TTC29: variants seen among roughly 807,000 people sequenced by gnomAD.
The protein encoded by TTC29 is tetratricopeptide repeat protein 29.
Under a neutral mutation model 58.1 loss-of-function variants are expected in TTC29, and 49 were observed. That is an observed-to-expected ratio of 0.84 (90% CI 0.67 to 1.07). TTC29 has a LOEUF of 1.07. Ranked by LOEUF, TTC29 falls within the 50% of genes least tolerant of loss-of-function variation. The pLI, the probability that TTC29 is intolerant of heterozygous loss-of-function variation, is 0.00. For missense variants in TTC29, 582 were observed against 555.6 expected (o/e 1.05, Z -0.48); for synonymous variants, 209 against 196.8 (o/e 1.06, Z -0.52).
At chr4:146,856,129 C>T (rs569558137) in intron 8 of TTC29, among the ~76,000 whole-genome samples, 1 of 152,246 alleles carries the variant, frequency 6.6e-6, no homozygotes, top group South Asian at 2.1e-4. Context: ...GATTAGAGTA[C>T]TCAATTTTCA....
chr4:146,905,309 C>T (rs1733446478), intron 5 of TTC29, among the ~76,000 whole-genome samples: 1 of 144,736 alleles, frequency 6.9e-6, no homozygotes, highest in Admixed American at 7.4e-5. Context: ...TTCATATTTT[C>T]CACTTTAATA....
chr4:146,826,736 C>G (rs1255953477), intron 9 of TTC29, among the ~76,000 whole-genome samples: 1 of 152,078 alleles, frequency 6.6e-6, no homozygotes. Context: ...CCCCTCTCCT[C>G]TGGTACTCCA....
intron 10 of TTC29, 132 bp downstream of exon 10, chr4:146,819,993 C>T (rs1751704751): frequency 8.5e-7 from 1 of 1,177,368 alleles, no homozygotes; most frequent in Non-Finnish European, 1.2e-6. Flanking sequence ...TTAACTACAC[C>T]CTGCAGTCCA....
chr4:146,923,081 T>C (rs757886999), intron 4 of TTC29, among the ~76,000 whole-genome samples: 3 of 151,806 alleles, frequency 2.0e-5, no homozygotes, highest in Non-Finnish European at 3.0e-5. Flanking sequence ...TAAAAAATTA[T>C]TTAGTCAATT....
chr4:146,806,896 C>G (rs1299384522), intron 10 of TTC29, among the ~76,000 whole-genome samples: 1 of 152,166 alleles, frequency 6.6e-6, no homozygotes, highest in Non-Finnish European at 1.5e-5. Context: ...ACCTAATAGA[C>G]ATCTACAGGA....
Position 146,867,500 on chromosome 4 carries a change from T to C in TTC29, c.883A>G (p.Thr295Ala), listed in dbSNP as rs534639347. 3 of 1,485,598 alleles carry C rather than the reference T, an allele frequency of 2.0e-6. No individual in the cohort carries two copies. The South Asian group carries it at 4.2e-5, about 21-fold the overall frequency. 92.0% of individuals were successfully genotyped at this position (1,485,598 alleles called of 1,614,324 possible). ...LAAEEYETAL[T>A]VLDTYCKIST... ...CAGTGATTAAAAGTTTAGCTTACTG[T>C]TAATGCTGTTTCATATTCCTCAGCA... Residue 295 changes from threonine to alanine, a missense_variant and splice_region_variant, in exon 8 of 13, where the codon ACA becomes GCA. By Grantham distance (58) the Thr-to-Ala change is moderately conservative. Transcript: ENST00000325106.
intron 10 of TTC29, among the ~76,000 whole-genome samples, chr4:146,810,964 C>T (rs754817449): frequency 4.6e-5 from 7 of 152,148 alleles, no homozygotes; most frequent in Non-Finnish European, 7.4e-5. Context: ...AATTCGTTTA[C>T]TGCTCTTATT....
intron 6 of TTC29, among the ~76,000 whole-genome samples, chr4:146,876,498 G>C (rs1211201996): frequency 6.6e-6 from 1 of 152,142 alleles, no homozygotes; most frequent in African/African-American, 2.4e-5. Flanking sequence ...CTACTTCCAT[G>C]ACTATTGCAT....
At chr4:146,747,200 A>G (rs1398753140) in intron 11 of TTC29, among the ~76,000 whole-genome samples, 1 of 152,076 alleles carries the variant, frequency 6.6e-6, no homozygotes, top group Non-Finnish European at 1.5e-5. Flanking sequence ...CTGCACACTG[A>G]GCTACCCCTA....
intron 11 of TTC29, among the ~76,000 whole-genome samples, chr4:146,774,965 G>C (rs1579642862): frequency 6.6e-6 from 1 of 152,012 alleles, no homozygotes; most frequent in African/African-American, 2.4e-5. Flanking sequence ...GGATAGTTAG[G>C]TCTTCTTGTT....
chr4:146,711,619 T>C (rs1387988521), intron 11 of TTC29, among the ~76,000 whole-genome samples: 11 of 152,312 alleles, frequency 7.2e-5, no homozygotes, highest in South Asian at 2.1e-4. Flanking sequence ...GCGTATAAAC[T>C]ATGCTCCTAT....
intron 4 of TTC29, among the ~76,000 whole-genome samples, chr4:146,910,231 C>T (rs956693085): frequency 6.6e-6 from 1 of 151,830 alleles, no homozygotes; most frequent in African/African-American, 2.4e-5. Flanking sequence ...CCTGGGTCTC[C>T]AGTCTTCTCA....
intron 4 of TTC29, among the ~76,000 whole-genome samples, chr4:146,921,990 CT>C (rs1476953734): frequency 7.5e-6 from 1 of 132,644 alleles, no homozygotes; most frequent in African/African-American, 2.9e-5. Flanking sequence ...TAAAGATTTA[CT>C]TCCCAATCCT....
intron 6 of TTC29, among the ~76,000 whole-genome samples, chr4:146,887,011 C>T (rs1055814289): frequency 7.2e-5 from 11 of 152,080 alleles, no homozygotes; most frequent in Non-Finnish European, 1.0e-4. Context: ...CTAAAATAGT[C>T]AAACTCATAG....
chr4:146,795,889 C>T (rs1052061167), intron 11 of TTC29, among the ~76,000 whole-genome samples: 29 of 152,122 alleles, frequency 1.9e-4, no homozygotes, highest in Admixed American at 1.2e-3. Flanking sequence ...ATTTGGAATC[C>T]GTGGCCACAG....
chr4:146,743,822 T>A (rs1745342466), intron 11 of TTC29, among the ~76,000 whole-genome samples: 1 of 152,240 alleles, frequency 6.6e-6, no homozygotes, highest in Non-Finnish European at 1.5e-5. Flanking sequence ...ATGAGCAATG[T>A]GTGAACCCTT....
chr4:146,791,633 G>A (rs2150103339), intron 11 of TTC29, among the ~76,000 whole-genome samples: 1 of 152,292 alleles, frequency 6.6e-6, no homozygotes, highest in South Asian at 2.1e-4. Flanking sequence ...AGGAGGCATT[G>A]CATAACTCTC....
chr4:146,722,126 C>G (rs1743406434), intron 11 of TTC29, among the ~76,000 whole-genome samples: 1 of 152,058 alleles, frequency 6.6e-6, no homozygotes, highest in Admixed American at 6.6e-5. Flanking sequence ...TGAATGATCT[C>G]TACAAGGAGA....
At chr4:146,762,791 G>A (rs998561438) in intron 11 of TTC29, among the ~76,000 whole-genome samples, 2 of 151,438 alleles carry the variant, frequency 1.3e-5, no homozygotes, top group African/African-American at 4.8e-5. Context: ...TTGGATTCCT[G>A]GTATATTTTC....
Sources: allele counts gnomAD v4.1 joint callset (sites outside exome capture counted in the v4.1 genomes callset), GRCh38; gene constraint gnomAD v4.1.1; transcripts MANE v1.5; gene names NCBI Gene and HGNC (gene_info 2026-07-23, HGNC 2026-07-21).